AGBL4: variants seen among roughly 807,000 people sequenced by gnomAD.
The protein encoded by AGBL4 is AGBL carboxypeptidase 4.
A neutral mutation model predicts 66.4 loss-of-function variants in AGBL4; 58 were observed. The observed-to-expected ratio is 0.87, with a 90% CI of 0.71 to 1.09. The LOEUF is 1.09. AGBL4 is among the 50% of genes least tolerant of loss of function. The pLI is 0.00. For missense variants in AGBL4, 579 were observed against 631.0 expected (o/e 0.92, Z 0.88); for synonymous variants, 234 against 222.9 (o/e 1.05, Z -0.44).
intron 4 of AGBL4, among the ~76,000 whole-genome samples, chr1:49,162,233 A>G (rs1005508867): frequency 1.3e-5 from 2 of 152,050 alleles, no homozygotes; most frequent in South Asian, 4.1e-4. Context: ...GATGGTGGTG[A>G]TGATGATGAT....
intron 4 of AGBL4, among the ~76,000 whole-genome samples, chr1:49,244,592 G>C: frequency 6.6e-6 from 1 of 151,294 alleles, no homozygotes; most frequent in East Asian, 1.9e-4. Flanking sequence ...TTTATGAATT[G>C]CTAGTTTGCT....
chr1:49,586,415 T>C (rs755571728), intron 3 of AGBL4, among the ~76,000 whole-genome samples: 2 of 152,216 alleles, frequency 1.3e-5, no homozygotes, highest in African/African-American at 4.8e-5. Context: ...ATTATTAATA[T>C]GAAAAGTGGT....
At chr1:49,547,540 G>T (rs117391472) in intron 3 of AGBL4, among the ~76,000 whole-genome samples, 3 of 152,120 alleles carry the variant, frequency 2.0e-5, no homozygotes, top group African/African-American at 7.2e-5. Context: ...ATTCTGTAAA[G>T]AATGATGGTG....
chr1:49,372,214 A>G (rs1458255926), intron 3 of AGBL4, among the ~76,000 whole-genome samples: 1 of 152,150 alleles, frequency 6.6e-6, no homozygotes, highest in Non-Finnish European at 1.5e-5. Context: ...GGCTCATGTT[A>G]AAAACAAAAA....
chr1:49,341,398 AAG>A (rs1645536998), intron 3 of AGBL4, among the ~76,000 whole-genome samples: 1 of 152,160 alleles, frequency 6.6e-6, no homozygotes, highest in Non-Finnish European at 1.5e-5. Flanking sequence ...GGCCCAATAT[AAG>A]AGAGTTAAAG....
At chr1:49,172,299 G>A (rs1431185125) in intron 4 of AGBL4, among the ~76,000 whole-genome samples, 1 of 152,132 alleles carries the variant, frequency 6.6e-6, no homozygotes, top group Non-Finnish European at 1.5e-5. Context: ...ATACAGACAG[G>A]CAGACATATA....
intron 5 of AGBL4, among the ~76,000 whole-genome samples, chr1:48,951,925 T>C (rs1223917220): frequency 6.6e-6 from 1 of 152,246 alleles, no homozygotes; most frequent in Non-Finnish European, 1.5e-5. Flanking sequence ...TTATTTTCTC[T>C]ATTTTAAAGA....
chr1:49,159,075 ATTG>A (rs1646491246), intron 4 of AGBL4, among the ~76,000 whole-genome samples: 1 of 151,194 alleles, frequency 6.6e-6, no homozygotes, highest in Non-Finnish European at 1.5e-5. Context: ...TTAAGTTAAT[ATTG>A]TTATGTGTGA....
intron 2 of AGBL4, among the ~76,000 whole-genome samples, chr1:49,726,900 CCTCT>C (rs771921978): frequency 3.3e-5 from 5 of 152,070 alleles, no homozygotes; most frequent in South Asian, 4.1e-4. Flanking sequence ...CAAGAAAAGA[CCTCT>C]CTATTTGCAA....
At chr1:49,389,427 C>A (rs964050521) in intron 3 of AGBL4, among the ~76,000 whole-genome samples, 7 of 152,084 alleles carry the variant, frequency 4.6e-5, no homozygotes, top group African/African-American at 1.7e-4. Flanking sequence ...AAACTAAGTA[C>A]TATTACTCTC....
chr1:48,568,397 C>T (rs967734395), intron 11 of AGBL4, among the ~76,000 whole-genome samples: 8 of 152,102 alleles, frequency 5.3e-5, no homozygotes, highest in African/African-American at 1.4e-4. Flanking sequence ...TGGCTCCAGG[C>T]CACAGTGGAA....
At chr1:49,113,673 T>C (rs1645459421) in intron 4 of AGBL4, among the ~76,000 whole-genome samples, 2 of 152,228 alleles carry the variant, frequency 1.3e-5, no homozygotes, top group South Asian at 2.1e-4. Context: ...AAAATGTATT[T>C]CTTAAATAAG....
intron 1 of AGBL4, among the ~76,000 whole-genome samples, chr1:49,961,606 C>T (rs1657124781): frequency 6.6e-6 from 1 of 152,006 alleles, no homozygotes; most frequent in African/African-American, 2.4e-5. Context: ...GTTATTTCTA[C>T]CATTATTAAA....
At chr1:48,698,771 A>G (rs1646754727) in intron 6 of AGBL4, among the ~76,000 whole-genome samples, 2 of 152,238 alleles carry the variant, frequency 1.3e-5, no homozygotes, top group South Asian at 4.2e-4. Context: ...CCATCATTTC[A>G]TTTTCACAAC....
intron 6 of AGBL4, among the ~76,000 whole-genome samples, chr1:48,861,909 T>G (rs2148818967): frequency 6.6e-6 from 1 of 152,306 alleles, no homozygotes; most frequent in Middle Eastern, 3.4e-3. Context: ...ATAGTTTATT[T>G]TTCTCTCTCT....
At chr1:48,619,457 TG>T (rs1261647674) in intron 9 of AGBL4, among the ~76,000 whole-genome samples, 1 of 152,188 alleles carries the variant, frequency 6.6e-6, no homozygotes, top group African/African-American at 2.4e-5. Context: ...GGTTGTTATA[TG>T]GACTAGATGA....
intron 4 of AGBL4, among the ~76,000 whole-genome samples, chr1:49,187,889 G>T (rs1569990952): frequency 6.6e-6 from 1 of 152,056 alleles, no homozygotes; most frequent in African/African-American, 2.4e-5. Flanking sequence ...CAATTCTTAG[G>T]TGTCGTGGGA....
chr1:48,588,208 A>C (rs954153926), intron 10 of AGBL4, among the ~76,000 whole-genome samples: 7 of 152,198 alleles, frequency 4.6e-5, no homozygotes, highest in Non-Finnish European at 8.8e-5. Flanking sequence ...CAAAGAATCT[A>C]CTTCCTTTAG....
At chr1:49,228,239 T>A (rs1650053443) in intron 4 of AGBL4, among the ~76,000 whole-genome samples, 1 of 152,226 alleles carries the variant, frequency 6.6e-6, no homozygotes, top group Non-Finnish European at 1.5e-5. Context: ...CAGGCACTGT[T>A]CTAGGTGCTT....
Sources: gnomAD v4.1 joint callset for allele counts (sites outside exome capture counted in the v4.1 genomes callset) on GRCh38, gnomAD v4.1.1 for gene constraint, MANE v1.5 for transcripts, NCBI Gene and HGNC (gene_info 2026-07-23, HGNC 2026-07-21) for gene names.